HS6ST2: variants seen among roughly 807,000 people sequenced by gnomAD.
The protein encoded by HS6ST2 is heparan sulfate 6-O-sulfotransferase 2.
A neutral mutation model predicts 33.0 loss-of-function variants in HS6ST2; 17 were observed. The observed-to-expected ratio is 0.52, with a 90% CI of 0.35 to 0.77. HS6ST2 has a LOEUF of 0.77. Among genes scored for constraint, HS6ST2 ranks in the 30% least tolerant of loss-of-function variants. HS6ST2 has a pLI of 0.01. For synonymous variants in HS6ST2, 248 were observed against 237.1 expected (o/e 1.05, Z -0.42); for missense variants, 519 against 551.7 (o/e 0.94, Z 0.59).
intron 2 of HS6ST2, among the ~76,000 whole-genome samples, chrX:132,908,884 C>T (rs1044485457): frequency 2.8e-5 from 3 of 107,987 alleles, no homozygotes; most frequent in African/African-American, 1.0e-4. Flanking sequence ...ATGTGAATTA[C>T]ACATCAAAAA....
chrX:132,689,104 C>T (rs1236377722), intron 3 of HS6ST2, among the ~76,000 whole-genome samples: 2 of 112,005 alleles, frequency 1.8e-5, no homozygotes, highest in African/African-American at 6.5e-5. Flanking sequence ...GGTCATCTGT[C>T]CCAAGCTGGA....
chrX:132,885,191 C>T (rs111982433), intron 2 of HS6ST2, among the ~76,000 whole-genome samples: 7 of 111,551 alleles, frequency 6.3e-5, no homozygotes, highest in African/African-American at 2.3e-4. Flanking sequence ...AGGAATGAAG[C>T]AATGATTCAT....
At chrX:132,913,060 G>A (rs773504123) in intron 2 of HS6ST2, among the ~76,000 whole-genome samples, 1 of 111,106 alleles carries the variant, frequency 9.0e-6, no homozygotes, top group Non-Finnish European at 1.9e-5. Context: ...CCCGGACTCA[G>A]CCACACTTTG....
chrX:132,889,046 G>T (rs1234967726), intron 2 of HS6ST2, among the ~76,000 whole-genome samples: 2 of 110,925 alleles, frequency 1.8e-5, no homozygotes, highest in African/African-American at 6.6e-5. Context: ...CATACAGGCA[G>T]CAAGTAGCAG....
intron 4 of HS6ST2, among the ~76,000 whole-genome samples, chrX:132,644,463 G>A (rs2063626895): frequency 9.0e-6 from 1 of 111,194 alleles, no homozygotes; most frequent in South Asian, 3.8e-4. Context: ...TCAGCAGTGG[G>A]TCTAGGACCA....
At chrX:132,716,673 G>T (rs943747405) in intron 2 of HS6ST2, among the ~76,000 whole-genome samples, 1 of 112,351 alleles carries the variant, frequency 8.9e-6, no homozygotes, top group African/African-American at 3.2e-5. Flanking sequence ...TTAAAGGAAA[G>T]AAAGAACGAA....
chrX:132,798,488 G>A (rs760689196), intron 2 of HS6ST2, among the ~76,000 whole-genome samples: 2 of 111,371 alleles, frequency 1.8e-5, no homozygotes, highest in African/African-American at 6.5e-5. Context: ...TTTTGAAAGT[G>A]CAGTCACTTG....
chrX:132,874,352 C>G (rs770616399), intron 2 of HS6ST2, among the ~76,000 whole-genome samples: 1 of 112,075 alleles, frequency 8.9e-6, no homozygotes, highest in Admixed American at 9.4e-5. Context: ...CTGAGGCAGG[C>G]GGATCACGAG....
chrX:132,899,697 C>G (rs2066410355), intron 2 of HS6ST2, among the ~76,000 whole-genome samples: 1 of 111,201 alleles, frequency 9.0e-6, no homozygotes, highest in Non-Finnish European at 1.9e-5. Flanking sequence ...GAAAAAGGAC[C>G]AAAAGTTTTG....
intron 2 of HS6ST2, among the ~76,000 whole-genome samples, chrX:132,852,687 A>G (rs777486392): frequency 5.3e-5 from 6 of 112,369 alleles, no homozygotes; most frequent in Non-Finnish European, 9.4e-5. Flanking sequence ...CCCTGTCATC[A>G]ATTAATGAGC....
chrX:132,802,807 T>C (rs762911161), intron 2 of HS6ST2, among the ~76,000 whole-genome samples: 21 of 108,860 alleles, frequency 1.9e-4, no homozygotes, highest in African/African-American at 6.3e-4. Context: ...CTTATAATGA[T>C]TGGAACCAGG....
At chrX:132,748,717 C>T (rs2064672417) in intron 2 of HS6ST2, among the ~76,000 whole-genome samples, 1 of 111,686 alleles carries the variant, frequency 9.0e-6, no homozygotes, top group Admixed American at 9.5e-5. Context: ...ATCCTCCTAC[C>T]TCAGCTGCCC....
At chrX:132,864,945 G>A (rs759380992) in intron 2 of HS6ST2, among the ~76,000 whole-genome samples, 1 of 111,021 alleles carries the variant, frequency 9.0e-6, no homozygotes, top group Admixed American at 9.5e-5. Context: ...AGAGAATGGG[G>A]GCCAATATTC....
chrX:132,935,562 G>A (rs1162315750), intron 2 of HS6ST2, among the ~76,000 whole-genome samples: 6 of 111,363 alleles, frequency 5.4e-5, no homozygotes, highest in South Asian at 3.8e-4. Flanking sequence ...ATAGAGTTTC[G>A]CCATGTTGCC....
chrX:132,808,968 C>G lies in HS6ST2; in HGVS notation c.948-100474G>C, dbSNP rs1009502243. Among the ~76,000 whole-genome samples the G allele has an allele frequency of 2.7e-5, 3 of 111,811 alleles. No homozygotes were observed. In the Admixed American group the frequency reaches 2.8e-4, roughly 11 times the overall value. On this transcript the variant is annotated intron_variant, in intron 2 of 4. Transcript: ENST00000370833. ...AAACGCAAGAAGTAGAAGGTGGGAT[C>G]CTGGCATTCATTTTTGTTTGTTTGT... is the stretch of plus-strand genomic sequence containing the variant.
At chrX:132,911,425 G>A (rs905855168) in intron 2 of HS6ST2, among the ~76,000 whole-genome samples, 1 of 111,250 alleles carries the variant, frequency 9.0e-6, no homozygotes, top group Admixed American at 9.6e-5. Flanking sequence ...CAATGGGTCT[G>A]TCAAAGAATT....
chrX:132,715,976 G>A (rs890904375), intron 2 of HS6ST2, among the ~76,000 whole-genome samples: 3 of 112,074 alleles, frequency 2.7e-5, no homozygotes, highest in Admixed American at 1.9e-4. Flanking sequence ...CCAAAGCACC[G>A]ACTGCATTTT....
At chrX:132,715,729 A>T (rs1022723879) in intron 2 of HS6ST2, among the ~76,000 whole-genome samples, 1 of 112,479 alleles carries the variant, frequency 8.9e-6, no homozygotes, top group Admixed American at 9.4e-5. Context: ...ACAACCCTTC[A>T]GAACAATTCA....
intron 3 of HS6ST2, among the ~76,000 whole-genome samples, chrX:132,689,622 T>C (rs1178775480): frequency 2.7e-5 from 3 of 112,548 alleles, no homozygotes; most frequent in East Asian, 5.6e-4. Flanking sequence ...GGAAGCATAA[T>C]ATTCCACTTT....
Sources: allele counts gnomAD v4.1 joint callset (sites outside exome capture counted in the v4.1 genomes callset), GRCh38; gene constraint gnomAD v4.1.1; transcripts MANE v1.5; gene names NCBI Gene and HGNC (gene_info 2026-07-23, HGNC 2026-07-21).